PPP1R18: variants seen among roughly 807,000 people sequenced by gnomAD.
PPP1R18 encodes phostensin.
PPP1R18 carries 31 observed loss-of-function variants against 54.8 expected under a neutral mutation model. The ratio of observed to expected loss-of-function variants is 0.57; its 90% CI spans 0.43 to 0.76. The LOEUF (loss-of-function observed/expected upper bound fraction) is 0.76. Ranked by LOEUF, PPP1R18 falls within the 30% of genes least tolerant of loss-of-function variation. The pLI, the probability that PPP1R18 is intolerant of heterozygous loss-of-function variation, is 0.00. For synonymous variants in PPP1R18, 310 were observed against 320.2 expected (o/e 0.97, Z 0.34); for missense variants, 685 against 776.1 (o/e 0.88, Z 1.39).
At chr6:30,687,266 CG>C (rs1483791199), upstream of PPP1R18, 3 of 150,594 alleles carry the variant, frequency 2.0e-5, no homozygotes, top group Non-Finnish European at 4.4e-5. This position sits in a 1 kb window ranked among gnomAD's most constrained non-coding sequence, Gnocchi z 7.9. Flanking sequence ...GGAGGAGGGA[CG>C]GAGACAGAGA....
At chr6:30,680,018 G>A (rs1770448755) in intron 1 of PPP1R18, among the ~76,000 whole-genome samples, 1 of 152,124 alleles carries the variant, frequency 6.6e-6, no homozygotes. Flanking sequence ...GGAAGAGATG[G>A]GAGATGAACA....
chr6:30,677,139 G>T lies in PPP1R18; in HGVS notation c.*130C>A. ...TGCCCCCAGAAACAGGGTGGGGAAA[G>T]CAAGTTACAAGATGTTGGTTGCCCT... On this transcript the variant is annotated 3_prime_UTR_variant, in exon 3 of 3. Coordinates refer to ENST00000274853, the MANE Select transcript of PPP1R18 (RefSeq NM_133471.4). The T allele has an allele frequency of 1.1e-6, 1 of 886,192 alleles. No homozygotes were observed. The highest frequency in any genetic ancestry group is 1.9e-6 in the Non-Finnish European group (1 of 522,200). 54.9% of individuals were successfully genotyped at this position (886,192 alleles called of 1,614,324 possible).
Position 30,684,620 on chromosome 6 carries a change from G to A in PPP1R18, c.1399C>T (p.Arg467Cys), listed in dbSNP as rs773234510. 2.8e-5 allele frequency: 43 copies of A among 1,556,224 alleles called. No individual in the cohort carries two copies. The African/African-American group carries it at 3.0e-4, about 11-fold the overall frequency. ...KAGPGVGAPRRSGHTFTVNPR... is the reference protein window; with the variant it reads ...KAGPGVGAPRCSGHTFTVNPR... ...TTGACGGTGAAGGTGTGTCCACTGC[G>A]GCGGGGGGCCCCCACCCCTGGCCCT... The change falls in exon 1 of 3, where the codon CGC becomes TGC. Residue 467 changes from arginine (R) to cysteine (C), a missense_variant. Transcript: ENST00000274853. This position sits in a 1 kb window ranked among gnomAD's most constrained non-coding sequence, Gnocchi z 6.0.
At chr6:30,677,351 T>C in intron 2 of PPP1R18, 63 bp from the exon 3 acceptor site, 3 of 1,399,872 alleles carry the variant, frequency 2.1e-6, no homozygotes, top group South Asian at 1.3e-5. Flanking sequence ...TGCCCACCCT[T>C]CCCCCCCACA....
chr6:30,682,948 G>A (rs990678111), intron 1 of PPP1R18, among the ~76,000 whole-genome samples: 4 of 152,146 alleles, frequency 2.6e-5, no homozygotes, highest in Non-Finnish European at 4.4e-5. Flanking sequence ...CACCTCACCC[G>A]GGTAGCATTT....
chr6:30,687,660 TC>T (rs1771086201), upstream of PPP1R18: 1 of 152,442 alleles, frequency 6.6e-6, no homozygotes, highest in Admixed American at 6.5e-5. This position sits in a 1 kb window ranked among gnomAD's most constrained non-coding sequence, Gnocchi z 7.9. Flanking sequence ...AGGTCCAGCC[TC>T]TGAAGTCCTT....
chr6:30,685,146 C>T lies in PPP1R18; in HGVS notation c.873G>A (p.Glu291=), dbSNP rs1356964113. The T allele has an allele frequency of 3.1e-6, 5 of 1,613,032 alleles. No individual in the cohort carries two copies. Among genetic ancestry groups the T allele is most frequent in the South Asian group, 1.1e-5 (1 of 91,094 alleles). ...TCAGGGTCTCGGACAGCTCTGCAGT[C>T]TCTTTTGGAGCTACCCCTGGAACTG... The part of the protein sequence containing the change: ...EWPVPGVAPK[E]TAELSETLTR... The change falls in exon 1 of 3, where the codon GAG becomes GAA. Residue 291 remains glutamate (E), a synonymous_variant. Coordinates refer to ENST00000274853, the MANE Select transcript of PPP1R18 (RefSeq NM_133471.4). This position sits in a 1 kb window ranked among gnomAD's most constrained non-coding sequence, Gnocchi z 5.0.
In PPP1R18 at chr6:30,676,401, C is replaced by T. The variant is rs1196396271; in HGVS notation, c.*868G>A. Reference sequence around the variant, plus strand: ...AGAAGCAGACGAGTTGAAGAGAACTCCATTTTATTATGGAAAGTTAAAAAA... The same window carrying T: ...AGAAGCAGACGAGTTGAAGAGAACTTCATTTTATTATGGAAAGTTAAAAAA... On this transcript the variant is annotated 3_prime_UTR_variant, in exon 3 of 3. Transcript: ENST00000274853. 6.6e-6 allele frequency: 1 copy of T among 152,074 alleles called. No homozygotes were observed. The highest frequency in any genetic ancestry group is 2.4e-5 in the African/African-American group (1 of 41,370). The allele number at this position is 152,074 out of a possible 1,614,324, so 9.4% of individuals were successfully genotyped here.
At chr6:30,679,507 T>G (rs114291265) in intron 1 of PPP1R18, 118 bp from the exon 2 acceptor site, 1,371 of 101,026 alleles carry the variant, frequency 0.014, 12 homozygotes, top group African/African-American at 0.036. Flanking sequence ...CAGGTGGGAC[T>G]GGCGGAACGT....
At position 30,684,323 on chromosome 6, in the gene PPP1R18, C is replaced by T; in HGVS notation, c.1611+85G>A. 1 of 1,330,626 alleles carries T rather than the reference C, an allele frequency of 7.5e-7. No homozygotes were observed. Among genetic ancestry groups the T allele is most frequent in the Non-Finnish European group, 1.0e-6 (1 of 979,812 alleles). 82.4% of individuals were successfully genotyped at this position (1,330,626 alleles called of 1,614,324 possible). A position where few individuals can be genotyped will look rare whatever the true frequency, so the allele number is the denominator to read the frequency against. ...GAAAGAATAGAGGAAGACAAGAAAACAGGGGTATAAAAAAGAAAGAGACCA... is the reference window on the plus strand; with the variant it reads ...GAAAGAATAGAGGAAGACAAGAAAATAGGGGTATAAAAAAGAAAGAGACCA... On this transcript the variant is annotated intron_variant, in intron 1 of 2. Coordinates refer to ENST00000274853, the MANE Select transcript of PPP1R18 (RefSeq NM_133471.4). This position sits in a 1 kb window ranked among gnomAD's most constrained non-coding sequence, Gnocchi z 6.0.
rs746710163 is a variant in PPP1R18, at chr6:30,679,235, A to T, written c.1766T>A (p.Leu589Gln). 6.3e-7 allele frequency: 1 copy of T among 1,582,162 alleles called. No homozygotes were observed. ...QPDDEEDEEE[L>Q]LLLQPELQGG... ...CTGGAGCTCTGGCTGCAGCAGCAGC[A>T]GCTCTTCCTCATCCTCTTCGTCGTC... is the stretch of plus-strand genomic sequence containing the variant. Residue 589 changes from leucine to glutamine, a missense_variant, in exon 2 of 3, where the codon CTG becomes CAG. Transcript: ENST00000274853.
upstream of PPP1R18, chr6:30,687,195 A>C (rs1771032166): frequency 6.6e-6 from 1 of 152,032 alleles, no homozygotes; most frequent in Non-Finnish European, 1.5e-5. This position sits in a 1 kb window ranked among gnomAD's most constrained non-coding sequence, Gnocchi z 7.9. Flanking sequence ...GGACCGAGGG[A>C]GATCCGGAGA....
At position 30,684,657 on chromosome 6, in the gene PPP1R18, A is replaced by G. The variant is rs1235477233; in HGVS notation, c.1362T>C (p.Tyr454=). 2 of 1,509,162 alleles carry G rather than the reference A, an allele frequency of 1.3e-6. No homozygotes were observed. Among genetic ancestry groups the G allele is most frequent in the Non-Finnish European group, 1.8e-6 (2 of 1,126,760 alleles). The allele number at this position is 1,509,162 out of a possible 1,614,324, so 93.5% of individuals were successfully genotyped here. Residue 454 remains tyrosine, a synonymous_variant, in exon 1 of 3, where the codon TAT becomes TAC. Coordinates refer to ENST00000274853, the MANE Select transcript of PPP1R18 (RefSeq NM_133471.4). The surrounding 1 kb of genome is among the most constrained non-coding windows in gnomAD (Gnocchi z 6.0). Reference sequence around the variant, plus strand: ...CCACCCCTGGCCCTGCCTTCACCCCATAGAACAGGCGGCTCATGAGGGGAT... The same window carrying G: ...CCACCCCTGGCCCTGCCTTCACCCCGTAGAACAGGCGGCTCATGAGGGGAT... ...PGDPLMSRLF[Y]GVKAGPGVGA...
At position 30,685,465 on chromosome 6, in the gene PPP1R18, C is replaced by T. The variant is rs1385494095; in HGVS notation, c.554G>A (p.Arg185Gln). The change falls in exon 1 of 3, where the codon CGA becomes CAA. Residue 185 changes from arginine to glutamine, a missense_variant. Coordinates refer to ENST00000274853, the MANE Select transcript of PPP1R18 (RefSeq NM_133471.4). This position sits in a 1 kb window ranked among gnomAD's most constrained non-coding sequence, Gnocchi z 5.0. ...CCTCCATTTCCATGCCTCTGACAGT[C>T]GGGAGCTCCTGTCTCCCACCTCTCC... Reference protein sequence around the residue: ...SPGEVGDRSSRLSEAWKWRLS... With the variant: ...SPGEVGDRSSQLSEAWKWRLS... 9 of 1,613,014 alleles carry T rather than the reference C, an allele frequency of 5.6e-6. No homozygotes were observed. Among genetic ancestry groups the T allele is most frequent in the East Asian group, 2.2e-5 (1 of 44,884 alleles).
rs1441386085 is a variant in PPP1R18, at chr6:30,684,721, G to T, written c.1298C>A (p.Pro433His). 6.6e-7 allele frequency: 1 copy of T among 1,512,094 alleles called. No homozygotes were observed. Among genetic ancestry groups the T allele is most frequent in the Non-Finnish European group, 8.9e-7 (1 of 1,125,524 alleles). 93.7% of individuals were successfully genotyped at this position (1,512,094 alleles called of 1,614,324 possible). ...LQPPPPAPLS[P>H]PPPAPTAPQP... ...GGGGGCAGTTGGGGCTGGGGGTGGGGGAGACAGAGGGGCTGGTGGTGGGGG... is the reference window on the plus strand; with the variant it reads ...GGGGGCAGTTGGGGCTGGGGGTGGGTGAGACAGAGGGGCTGGTGGTGGGGG... The change falls in exon 1 of 3, where the codon CCC becomes CAC. Residue 433 changes from proline to histidine, a missense_variant. Physicochemically the swap from Pro to His is moderately conservative, Grantham distance 77. Coordinates refer to ENST00000274853, the MANE Select transcript of PPP1R18 (RefSeq NM_133471.4). This position sits in a 1 kb window ranked among gnomAD's most constrained non-coding sequence, Gnocchi z 6.0.
In PPP1R18 at chr6:30,683,837, C is replaced by T. The variant is rs1012192391; in HGVS notation, c.1611+571G>A. ...CTTTGGCCGGCCCGGTTCCATCTCCCCTCTCCCCTCCATCCTAGGATGTCC... is the reference window on the plus strand; with the variant it reads ...CTTTGGCCGGCCCGGTTCCATCTCCTCTCTCCCCTCCATCCTAGGATGTCC... On this transcript the variant is annotated intron_variant, in intron 1 of 2. Coordinates refer to ENST00000274853, the MANE Select transcript of PPP1R18 (RefSeq NM_133471.4). The surrounding 1 kb of genome is among the most constrained non-coding windows in gnomAD (Gnocchi z 5.1). Among the ~76,000 whole-genome samples the T allele has an allele frequency of 6.6e-6, 1 of 152,080 alleles. No individual in the cohort carries two copies. Among genetic ancestry groups the T allele is most frequent in the African/African-American group, 2.4e-5 (1 of 41,404 alleles).
chr6:30,682,118 A>G (rs1055238766), intron 1 of PPP1R18, among the ~76,000 whole-genome samples: 1 of 151,970 alleles, frequency 6.6e-6, no homozygotes, highest in African/African-American at 2.4e-5. Flanking sequence ...AAAATGACTT[A>G]TTTTATTTGC....
In PPP1R18 at chr6:30,684,324, A is replaced by G. The variant is rs1770723775; in HGVS notation, c.1611+84T>C. 53 of 1,332,730 alleles carry G rather than the reference A, an allele frequency of 4.0e-5. No individual in the cohort carries two copies. The highest frequency in any genetic ancestry group is 5.3e-5 in the Non-Finnish European group (52 of 980,738). 82.6% of individuals were successfully genotyped at this position (1,332,730 alleles called of 1,614,324 possible). A position where few individuals can be genotyped will look rare whatever the true frequency, so the allele number is the denominator to read the frequency against. On this transcript the variant is annotated intron_variant, in intron 1 of 2. Transcript: ENST00000274853. This position sits in a 1 kb window ranked among gnomAD's most constrained non-coding sequence, Gnocchi z 6.0. Reference sequence around the variant, plus strand: ...AAAGAATAGAGGAAGACAAGAAAACAGGGGTATAAAAAAGAAAGAGACCAG... The same window carrying G: ...AAAGAATAGAGGAAGACAAGAAAACGGGGGTATAAAAAAGAAAGAGACCAG...
In PPP1R18 at chr6:30,679,203, G is replaced by T; in HGVS notation, c.1798C>A (p.Leu600Met). Residue 600 changes from leucine (L) to methionine (M), a missense_variant, in exon 2 of 3, where the codon CTG (leucine) becomes ATG (methionine). By Grantham distance (15) the Leu-to-Met change is conservative (BLOSUM62 2). Transcript: ENST00000274853. ...CCCACAATCAGGGCCTTGGTGCGCA[G>T]CCCGCCCTGGAGCTCTGGCTGCAGC... ...LLLQPELQGG[L>M]RTKALIVDES... 6.3e-7 allele frequency: 1 copy of T among 1,588,944 alleles called. No homozygotes were observed. The highest frequency in any genetic ancestry group is 8.5e-7 in the Non-Finnish European group (1 of 1,171,296).
Sources: gnomAD v4.1 joint callset for allele counts (sites outside exome capture counted in the v4.1 genomes callset) on GRCh38, gnomAD v4.1.1 for gene constraint, Gnocchi (gnomAD v3.1) non-coding constraint, MANE v1.5 for transcripts, NCBI Gene and HGNC (gene_info 2026-07-23, HGNC 2026-07-21) for gene names.